MSRB3: variants seen among roughly 807,000 people sequenced by gnomAD.
MSRB3 encodes the protein methionine-R-sulfoxide reductase B3.
A neutral mutation model predicts 21.0 loss-of-function variants in MSRB3; 13 were observed. That is an observed-to-expected ratio of 0.62 (90% CI 0.40 to 0.98). The LOEUF is 0.98. MSRB3 is among the 50% of genes least tolerant of loss of function. MSRB3 has a pLI of 0.00. For synonymous variants in MSRB3, 87 were observed against 88.6 expected (o/e 0.98, Z 0.10); for missense variants, 199 against 230.3 (o/e 0.86, Z 0.88).
Position 65,419,855 on chromosome 12 carries a change from C to T in MSRB3, c.293-33873C>T, listed in dbSNP as rs552956011. On this transcript the variant is annotated intron_variant, in intron 5 of 6. Transcript: ENST00000308259. ...CCAGGCCCCTGGACCCCAAGCAGCCCCGGAAGCTGGTGGAGCAGGACATGG... is the reference window on the plus strand; with the variant it reads ...CCAGGCCCCTGGACCCCAAGCAGCCTCGGAAGCTGGTGGAGCAGGACATGG... The T allele has an allele frequency of 1.4e-5, 10 of 701,564 alleles. No individual in the cohort carries two copies. In the East Asian group the frequency reaches 2.6e-4, roughly 18 times the overall value. 43.5% of individuals were successfully genotyped at this position (701,564 alleles called of 1,614,324 possible). A position where few individuals can be genotyped will look rare whatever the true frequency, so the allele number is the denominator to read the frequency against.
intron 4 of MSRB3, among the ~76,000 whole-genome samples, chr12:65,340,298 GTAGAAAAT>G (rs1417593374): frequency 6.6e-6 from 1 of 152,102 alleles, no homozygotes; most frequent in East Asian, 1.9e-4. Flanking sequence ...AAACAGGTTA[GTAGAAAAT>G]ATCCAGACTG....
rs1219290856 is a variant in MSRB3 at position 65,291,149 on chromosome 12, G to A, written c.-52+12284G>A. 3.3e-5 allele frequency among the ~76,000 whole-genome samples: 5 copies of A among 151,460 alleles called. No homozygotes were observed. The East Asian group carries it at 5.9e-4, about 18-fold the overall frequency. ...CACCCAGGCTGGAGTGCAGTGGCAC[G>A]ATCTCGGCTCACTGCAATCTTTGCC... On this transcript the variant is annotated intron_variant, in intron 1 of 6. Transcript: ENST00000308259.
intron 6 of MSRB3, among the ~76,000 whole-genome samples, chr12:65,455,311 A>G (rs1883038792): frequency 6.6e-6 from 1 of 151,732 alleles, no homozygotes; most frequent in Admixed American, 6.6e-5. Flanking sequence ...CTCTCTCTTG[A>G]AAATTAGACT....
chr12:65,329,603 G>A (rs1875278381), intron 4 of MSRB3, among the ~76,000 whole-genome samples: 1 of 150,922 alleles, frequency 6.6e-6, no homozygotes, highest in African/African-American at 2.4e-5. Context: ...TCAGCCAAGT[G>A]TGCCACTGCA....
chr12:65,391,791 T>C (rs184596032), intron 5 of MSRB3, among the ~76,000 whole-genome samples: 21 of 152,290 alleles, frequency 1.4e-4, no homozygotes, highest in Admixed American at 6.5e-4. Context: ...CTGGAAGAGT[T>C]ATCAATATAA....
intron 2 of MSRB3, among the ~76,000 whole-genome samples, chr12:65,310,520 TTTCC>T (rs34284328): frequency 0.22 from 33,617 of 151,966 alleles, 4,513 homozygotes; most frequent in Admixed American, 0.35. Context: ...ATAATGATGT[TTTCC>T]TCTGGAAAAA....
At chr12:65,310,734 T>C (rs982853742) in intron 2 of MSRB3, among the ~76,000 whole-genome samples, 4 of 152,252 alleles carry the variant, frequency 2.6e-5, no homozygotes, top group African/African-American at 9.6e-5. Flanking sequence ...GATTCAAAGA[T>C]AAATTCAGCA....
intron 1 of MSRB3, among the ~76,000 whole-genome samples, chr12:65,289,287 GA>G (rs908129809): frequency 2.0e-4 from 30 of 152,190 alleles, no homozygotes; most frequent in African/African-American, 7.2e-4. Flanking sequence ...CTGAGGTCAG[GA>G]GTTCGAGGCT....
At chr12:65,376,940 C>G (rs528582383) in intron 5 of MSRB3, among the ~76,000 whole-genome samples, 107 of 152,132 alleles carry the variant, frequency 7.0e-4, no homozygotes, top group Middle Eastern at 3.4e-3. Context: ...AAGTGCTCTC[C>G]TCCTCCCTCA....
At chr12:65,351,538 G>A (rs1370677740) in intron 4 of MSRB3, among the ~76,000 whole-genome samples, 4 of 148,900 alleles carry the variant, frequency 2.7e-5, no homozygotes, top group South Asian at 4.2e-4. Flanking sequence ...GTTTTTTGAA[G>A]GGATCAACAA....
chr12:65,378,815 G>A lies in MSRB3; in HGVS notation c.292+9789G>A, dbSNP rs1428904335. On this transcript the variant is annotated intron_variant, in intron 5 of 6. Coordinates refer to ENST00000308259, the MANE Select transcript of MSRB3 (RefSeq NM_001031679.3). ...ATAATGAGAAATGTAATTTTCACAT[G>A]AGTGAGAATACTTACATCTGCATGA... Among the ~76,000 whole-genome samples, 4 of 152,174 alleles carry A rather than the reference G, an allele frequency of 2.6e-5. No homozygotes were observed. The East Asian group carries it at 7.7e-4, about 29-fold the overall frequency.
chr12:65,287,851 A>G (rs1177279177), intron 1 of MSRB3, among the ~76,000 whole-genome samples: 1 of 152,152 alleles, frequency 6.6e-6, no homozygotes, highest in Non-Finnish European at 1.5e-5. Context: ...TTTGTGTTGC[A>G]GGGGAGTCAG....
chr12:65,423,262 G>C (rs1292459389), intron 5 of MSRB3, among the ~76,000 whole-genome samples: 2 of 151,944 alleles, frequency 1.3e-5, no homozygotes, highest in East Asian at 1.9e-4. Context: ...GTGCCTGGTG[G>C]GTCTTCTATA....
Position 65,402,266 on chromosome 12 carries a change from G to A in MSRB3, c.292+33240G>A, listed in dbSNP as rs117231972. On this transcript the variant is annotated intron_variant, in intron 5 of 6. Coordinates refer to ENST00000308259, the MANE Select transcript of MSRB3 (RefSeq NM_001031679.3). ...GGTACACCAGTCAAACGTAGGTTGG[G>A]TCTTTTCATATAGTCCCATATTTCT... 4.7e-3 allele frequency among the ~76,000 whole-genome samples: 716 copies of A among 152,200 alleles called. 23 individuals are homozygous for A. The East Asian group carries it at 0.069, about 15-fold the overall frequency.
chr12:65,446,254 T>C (rs967669579), intron 5 of MSRB3, among the ~76,000 whole-genome samples: 6 of 152,302 alleles, frequency 3.9e-5, no homozygotes, highest in East Asian at 1.9e-4. Flanking sequence ...AAGTAGGCAA[T>C]GAAGAGACCA....
chr12:65,381,200 G>T (rs1256944697), intron 5 of MSRB3, among the ~76,000 whole-genome samples: 2 of 152,090 alleles, frequency 1.3e-5, no homozygotes, highest in Non-Finnish European at 2.9e-5. Context: ...TTTAGACTAA[G>T]GCTTTATTTT....
In MSRB3 at chr12:65,463,224, T is replaced by A; in HGVS notation, c.460T>A (p.Ser154Thr). The A allele has an allele frequency of 6.2e-7, 1 of 1,614,242 alleles. No homozygotes were observed. ...RPTGKRYCIN[S>T]AALSFTPADS... ...AACTGGGAAAAGATACTGCATAAAT[T>A]CGGCTGCCTTGTCTTTTACACCTGC... is the stretch of plus-strand genomic sequence containing the variant. The change falls in exon 7 of 7, where the codon TCG becomes ACG. Residue 154 changes from serine to threonine, a missense_variant. Physicochemically the swap from Ser to Thr is moderately conservative, Grantham distance 58. Transcript: ENST00000308259.
Position 65,424,598 on chromosome 12 carries a change from C to T in MSRB3, c.293-29130C>T, listed in dbSNP as rs375984144. 4.6e-5 allele frequency among the ~76,000 whole-genome samples: 7 copies of T among 152,072 alleles called. No homozygotes were observed. In the East Asian group the frequency reaches 5.8e-4, roughly 13 times the overall value. ...TTGTTTAAGAGCATGTGTTTAACTT[C>T]TTCACATGTGTGAATTTTCTGAAGT... On this transcript the variant is annotated intron_variant, in intron 5 of 6. Coordinates refer to ENST00000308259, the MANE Select transcript of MSRB3 (RefSeq NM_001031679.3).
rs956668766 is a variant in MSRB3 at position 65,385,880 on chromosome 12, T to C, written c.292+16854T>C. Among the ~76,000 whole-genome samples the C allele has an allele frequency of 2.0e-5, 3 of 152,046 alleles. No homozygotes were observed. In the South Asian group the frequency reaches 6.2e-4, roughly 32 times the overall value. ...ACTTCTAGGTATATGTTAAATATAC[T>C]ATTTCTGTTTATTCTGTCTACCATC... On this transcript the variant is annotated intron_variant, in intron 5 of 6. Transcript: ENST00000308259.
Sources: gnomAD v4.1 joint callset for allele counts (sites outside exome capture counted in the v4.1 genomes callset) on GRCh38, gnomAD v4.1.1 for gene constraint, MANE v1.5 for transcripts, NCBI Gene and HGNC (gene_info 2026-07-23, HGNC 2026-07-21) for gene names.